The following ADGRV1 variants were observed in gnomAD, a reference collection of about 807,000 sequenced individuals.
ADGRV1 encodes G-protein coupled receptor 98.
A neutral mutation model predicts 596.2 loss-of-function variants in ADGRV1; 359 were observed. That is an observed-to-expected ratio of 0.60 (90% CI 0.55 to 0.66). The LOEUF is 0.66. Among genes scored for constraint, ADGRV1 ranks in the 30% least tolerant of loss-of-function variants. The pLI, the probability that ADGRV1 is intolerant of heterozygous loss-of-function variation, is 0.00. For missense variants in ADGRV1, 7,274 were observed against 7,575.6 expected (o/e 0.96, Z 1.48); for synonymous variants, 2,681 against 2,679.2 (o/e 1.00, Z -0.02).
intron 23 of ADGRV1, 37 bp from the exon 24 acceptor site, chr5:90,675,206 C>A: frequency 6.4e-7 from 1 of 1,566,254 alleles, no homozygotes; most frequent in Non-Finnish European, 8.7e-7. Context: ...TTGCACAGTT[C>A]ATTGGGACAA....
At chr5:90,990,182 T>C (rs563540936) in intron 85 of ADGRV1, among the ~76,000 whole-genome samples, 81 of 152,330 alleles carry the variant, frequency 5.3e-4, no homozygotes, top group African/African-American at 1.9e-3. Context: ...CTTTCATTTG[T>C]CTACCTACAA....
chr5:91,102,028 C>A (rs1025453265), intron 86 of ADGRV1, among the ~76,000 whole-genome samples, 191 bp from the exon 87 acceptor site: 3 of 152,158 alleles, frequency 2.0e-5, no homozygotes, highest in African/African-American at 7.2e-5. Flanking sequence ...GGCCTACCAG[C>A]AGCCCCATTT....
chr5:90,697,925 T>C (rs73772469), intron 34 of ADGRV1, among the ~76,000 whole-genome samples: 24,811 of 152,162 alleles, frequency 0.16, 2,278 homozygotes, highest in East Asian at 0.41. Flanking sequence ...TGGACATCTA[T>C]TTAATAGATG....
At chr5:90,576,619 G>T (rs1239169775) in intron 1 of ADGRV1, among the ~76,000 whole-genome samples, 1 of 152,130 alleles carries the variant, frequency 6.6e-6, no homozygotes, top group Non-Finnish European at 1.5e-5. Flanking sequence ...AATCCTTTGG[G>T]TATATACCCA....
intron 75 of ADGRV1, among the ~76,000 whole-genome samples, chr5:90,816,819 C>A (rs79165444): frequency 0.97 from 145,518 of 149,744 alleles, 70,821 homozygotes; most frequent in East Asian, 1. Context: ...CATTGTTGGA[C>A]ATTTGGGTTG....
rs747669987 is a variant in ADGRV1, at chr5:90,716,695, G to T, written c.9413G>T (p.Gly3138Val). 2 of 1,612,608 alleles carry T rather than the reference G, an allele frequency of 1.2e-6. No homozygotes were observed. The highest frequency in any genetic ancestry group is 2.2e-5 in the East Asian group (1 of 44,864). ...NESKDLTPSK[G>V]YIVLEEGVRF... Reference sequence around the variant, plus strand: ...TCTAAAGATCTGACTCCTTCCAAAGGCTATATTGTTTTAGAAGAAGGTGTT... The same window carrying T: ...TCTAAAGATCTGACTCCTTCCAAAGTCTATATTGTTTTAGAAGAAGGTGTT... The change falls in exon 43 of 90, where the codon GGC becomes GTC. Residue 3138 changes from glycine to valine, a missense_variant. Gly to Val is a moderately radical substitution (Grantham distance 109). This residue lies in a region of ADGRV1 where 3,643 missense variants were observed against 3,809.2 expected (regional missense o/e 0.96). Coordinates refer to ENST00000405460, the MANE Select transcript of ADGRV1 (RefSeq NM_032119.4).
intron 87 of ADGRV1, among the ~76,000 whole-genome samples, chr5:91,138,554 C>G (rs1794834434): frequency 1.3e-5 from 2 of 152,042 alleles, no homozygotes; most frequent in South Asian, 4.1e-4. Flanking sequence ...AATGATTTGT[C>G]TCTACTAAAC....
chr5:91,105,396 T>C (rs937924816), intron 87 of ADGRV1, among the ~76,000 whole-genome samples: 2 of 152,220 alleles, frequency 1.3e-5, no homozygotes, highest in Non-Finnish European at 2.9e-5. Flanking sequence ...ATTGGCAATT[T>C]TTTTTACGAA....
chr5:90,598,832 C>T (rs1323371007), intron 1 of ADGRV1, among the ~76,000 whole-genome samples: 1 of 152,166 alleles, frequency 6.6e-6, no homozygotes. Context: ...GTGTTGTGGA[C>T]TAGTTCATAC....
At chr5:90,848,259 A>G (rs1766120151) in intron 78 of ADGRV1, among the ~76,000 whole-genome samples, 1 of 152,178 alleles carries the variant, frequency 6.6e-6, no homozygotes, top group Non-Finnish European at 1.5e-5. Flanking sequence ...TGAGGTATTT[A>G]TTTCCTTATT....
intron 59 of ADGRV1, among the ~76,000 whole-genome samples, chr5:90,773,079 G>A (rs1269662315): frequency 1.3e-5 from 2 of 151,908 alleles, no homozygotes; most frequent in Admixed American, 6.6e-5. Flanking sequence ...TGAGGCAGGA[G>A]AATAGTTTGA....
At position 90,657,970 on chromosome 5, in the gene ADGRV1, G is replaced by A. The variant is rs1331697643; in HGVS notation, c.4444G>A (p.Asp1482Asn). The change falls in exon 21 of 90, where the codon GAT (aspartate) becomes AAT (asparagine). Residue 1482 changes from aspartate (D) to asparagine (N), a missense_variant. By Grantham distance (23) the Asp-to-Asn change is conservative. Around this residue, in one of 5 missense-constraint regions of ADGRV1, gnomAD observed 3,643 missense variants for 3,809.2 expected, o/e 0.96. Coordinates refer to ENST00000405460, the MANE Select transcript of ADGRV1 (RefSeq NM_032119.4). ...GNDRFTGLMQ[D>N]VRSYERKLTL... ...TGACAGATTTACAGGTCTGATGCAGGATGTGAGGTCCTATGAGCGGAAACT... is the reference window on the plus strand; with the variant it reads ...TGACAGATTTACAGGTCTGATGCAGAATGTGAGGTCCTATGAGCGGAAACT... 1 of 1,613,858 alleles carries A rather than the reference G, an allele frequency of 6.2e-7. No homozygotes were observed. The highest frequency in any genetic ancestry group is 8.5e-7 in the Non-Finnish European group (1 of 1,179,878).
intron 85 of ADGRV1, among the ~76,000 whole-genome samples, chr5:91,010,530 A>G (rs925080196): frequency 7.2e-5 from 11 of 152,106 alleles, no homozygotes; most frequent in Admixed American, 5.9e-4. Flanking sequence ...TTAGTGGACC[A>G]AAAATGAAAT....
chr5:90,937,752 C>G (rs967572911), intron 83 of ADGRV1, among the ~76,000 whole-genome samples: 1 of 152,124 alleles, frequency 6.6e-6, no homozygotes, highest in Non-Finnish European at 1.5e-5. Context: ...CCACAGCGCC[C>G]GGCCAGTGAT....
intron 52 of ADGRV1, among the ~76,000 whole-genome samples, chr5:90,750,219 A>G (rs1755088957): frequency 6.6e-6 from 1 of 152,212 alleles, no homozygotes; most frequent in Admixed American, 6.5e-5. Context: ...TTTACATGCT[A>G]TGAATACTTT....
At chr5:90,729,597 C>T (rs1358459485) in intron 49 of ADGRV1, 45 bp from the exon 50 acceptor site, 7 of 1,449,272 alleles carry the variant, frequency 4.8e-6, no homozygotes, top group Admixed American at 2.1e-5. Context: ...TCATTTTTTT[C>T]TGTAACTTTT....
chr5:91,025,804 GT>G (rs1783975726), intron 85 of ADGRV1, among the ~76,000 whole-genome samples: 5 of 152,130 alleles, frequency 3.3e-5, no homozygotes, highest in Non-Finnish European at 7.4e-5. Flanking sequence ...TTTTACTGTT[GT>G]TTCACTGTGA....
At chr5:90,898,852 C>T (rs75549854) in intron 83 of ADGRV1, among the ~76,000 whole-genome samples, 3,035 of 151,830 alleles carry the variant, frequency 0.02, 89 homozygotes, top group African/African-American at 0.07. Flanking sequence ...AGGCTGAAGC[C>T]GGAGGATCTC....
chr5:90,695,378 A>C (rs1465691707), intron 33 of ADGRV1, among the ~76,000 whole-genome samples: 2 of 152,104 alleles, frequency 1.3e-5, no homozygotes, highest in Non-Finnish European at 2.9e-5. Flanking sequence ...AAATTGGGAA[A>C]GTTAGTATGT....
Sources: allele counts gnomAD v4.1 joint callset (sites outside exome capture counted in the v4.1 genomes callset), GRCh38; gene constraint gnomAD v4.1.1; regional missense constraint gnomAD v4.1.1; transcripts MANE v1.5; gene names NCBI Gene and HGNC (gene_info 2026-07-23, HGNC 2026-07-21).